PTPA: variants seen among roughly 807,000 people sequenced by gnomAD.
The protein encoded by PTPA is protein phosphatase 2 phosphatase activator.
A neutral mutation model predicts 43.6 loss-of-function variants in PTPA; 13 were observed. That is an observed-to-expected ratio of 0.30 (90% confidence interval 0.19 to 0.47). PTPA has a LOEUF of 0.47. Among genes scored for constraint, PTPA ranks in the 20% least tolerant of loss-of-function variants. PTPA has a pLI of 0.99. For synonymous variants in PTPA, 172 were observed against 158.2 expected (o/e 1.09, Z -0.66); for missense variants, 329 against 411.9 (o/e 0.80, Z 1.74).
At chr9:129,123,210 A>G (rs1849371590) in intron 3 of PTPA, 72 bp downstream of exon 3, 7 of 1,337,186 alleles carry the variant, frequency 5.2e-6, no homozygotes, top group Non-Finnish European at 7.4e-6. Flanking sequence ...GCGGTGGCTC[A>G]CCTCTGTAAT....
intron 3 of PTPA, chr9:129,128,115 C>CA: frequency 8.1e-7 from 1 of 1,227,418 alleles, no homozygotes. Context: ...CTGAGAGGCT[C>CA]AGAGTTAGTC....
At chr9:129,134,762 C>A in intron 5 of PTPA, 33 bp from the exon 6 acceptor site, 1 of 1,537,648 alleles carries the variant, frequency 6.5e-7, no homozygotes, top group Non-Finnish European at 9.0e-7. Flanking sequence ...TTTACCTGGA[C>A]TACTGTCAAC....
upstream of PTPA, chr9:129,111,286 G>A (rs1848451602): frequency 8.4e-7 from 1 of 1,187,440 alleles, no homozygotes; most frequent in Non-Finnish European, 1.0e-6. Context: ...GCGGCCGTGA[G>A]CGGTCCTAGC....
intron 3 of PTPA, chr9:129,128,011 T>C (rs544992426): frequency 1.5e-6 from 2 of 1,347,252 alleles, no homozygotes; most frequent in African/African-American, 1.5e-5. Context: ...CAAAGCAGAG[T>C]GTGTCCTGCG....
chr9:129,144,736 CAAAAAAAAA>C, intron 9 of PTPA, among the ~76,000 whole-genome samples: 1 of 108,014 alleles, frequency 9.3e-6, no homozygotes, highest in South Asian at 3.2e-4. Context: ...GAGACTCTCT[CAAAAAAAAA>C]AAAAAAAAAA....
At chr9:129,116,009 C>T (rs1348857752) in intron 1 of PTPA, among the ~76,000 whole-genome samples, 6 of 151,960 alleles carry the variant, frequency 3.9e-5, no homozygotes, top group Non-Finnish European at 8.8e-5. Flanking sequence ...TACAGGTGTG[C>T]GCTACCATGC....
chr9:129,143,517 C>T (rs191086271), intron 9 of PTPA: 14 of 690,902 alleles, frequency 2.0e-5, no homozygotes, highest in Admixed American at 6.2e-5. Context: ...TCAGCAGAGG[C>T]GGGACAACGG....
In PTPA at chr9:129,128,857, G is replaced by C. The variant is rs1588506169; in HGVS notation, c.217-128G>C. The C allele has an allele frequency of 2.1e-5, 24 of 1,121,296 alleles. No individual in the cohort carries two copies. In the East Asian group the frequency reaches 6.0e-4, roughly 28 times the overall value. The allele number at this position is 1,121,296 out of a possible 1,614,324, so 69.5% of individuals were successfully genotyped here. A position where few individuals can be genotyped will look rare whatever the true frequency, so the allele number is the denominator to read the frequency against. On this transcript the variant is annotated intron_variant, in intron 3 of 9. Coordinates refer to ENST00000393370, the MANE Select transcript of PTPA (RefSeq NM_178000.3). ...TATTCAGAACAGTGGGGAAGAAAGA[G>C]GGATGGGGGAGAGTTCCCAGTAGGG...
intron 5 of PTPA, among the ~76,000 whole-genome samples, chr9:129,133,987 A>T (rs983466304): frequency 6.6e-6 from 1 of 152,200 alleles, no homozygotes; most frequent in Non-Finnish European, 1.5e-5. Context: ...TCCTTAGGGG[A>T]AACCTTGAAC....
intron 8 of PTPA, among the ~76,000 whole-genome samples, chr9:129,140,315 C>T (rs1347733493): frequency 6.6e-6 from 1 of 152,172 alleles, no homozygotes; most frequent in Non-Finnish European, 1.5e-5. Flanking sequence ...CTTTTTCTCC[C>T]ACTCGTCTGT....
chr9:129,125,742 G>A (rs928253798), intron 3 of PTPA, among the ~76,000 whole-genome samples: 2 of 152,170 alleles, frequency 1.3e-5, no homozygotes, highest in Admixed American at 6.5e-5. Flanking sequence ...ACGAGTAGTG[G>A]TTGTCTTTTG....
intron 9 of PTPA, among the ~76,000 whole-genome samples, chr9:129,144,986 T>A (rs1851199708): frequency 6.6e-6 from 1 of 151,920 alleles, no homozygotes; most frequent in Non-Finnish European, 1.5e-5. Context: ...TGAATTGAGA[T>A]CACACCACTG....
Position 129,120,583 on chromosome 9 carries a change from A to T in PTPA, c.102A>T (p.Pro34=). 1 of 1,613,698 alleles carries T rather than the reference A, an allele frequency of 6.2e-7. No individual in the cohort carries two copies. The highest frequency in any genetic ancestry group is 8.5e-7 in the Non-Finnish European group (1 of 1,179,652). The stretch of plus-strand genomic sequence containing the variant: ...CAAAAAAGGAGATCCACACAGTTCC[A>T]GACATGGGCAAATGGAAGCGTTCTC... ...IIPKKEIHTV[P]DMGKWKRSQA... is the part of the protein sequence containing the mutation. Residue 34 remains proline (P), a synonymous_variant, in exon 2 of 10, where the codon CCA becomes CCT. Coordinates refer to ENST00000393370, the MANE Select transcript of PTPA (RefSeq NM_178000.3).
chr9:129,117,705 TC>T, intron 1 of PTPA, among the ~76,000 whole-genome samples: 1 of 90,526 alleles, frequency 1.1e-5, no homozygotes, highest in Non-Finnish European at 2.9e-5. Flanking sequence ...ACACCCAGCC[TC>T]TTTTTTTTTT....
intron 1 of PTPA, among the ~76,000 whole-genome samples, chr9:129,117,908 G>T (rs1296659416): frequency 6.6e-6 from 1 of 151,264 alleles, no homozygotes; most frequent in Non-Finnish European, 1.5e-5. Context: ...ATGTTTCCCA[G>T]GCCTGGTCTG....
rs890793329 is a variant in PTPA at position 129,147,685 on chromosome 9, C to G, written c.*221C>G. The G allele has an allele frequency of 1.8e-6, 1 of 547,534 alleles. No individual in the cohort carries two copies. The highest frequency in any genetic ancestry group is 3.3e-6 in the Non-Finnish European group (1 of 303,498). 33.9% of individuals were successfully genotyped at this position (547,534 alleles called of 1,614,324 possible). A position where few individuals can be genotyped will look rare whatever the true frequency, so the allele number is the denominator to read the frequency against. Reference sequence around the variant, plus strand: ...AAGTGTAGCCAGTTTTCTGAGTTCCCGTGTGCTAGACTGGCCAGAAGAGAG... The same window carrying G: ...AAGTGTAGCCAGTTTTCTGAGTTCCGGTGTGCTAGACTGGCCAGAAGAGAG... On this transcript the variant is annotated 3_prime_UTR_variant, in exon 10 of 10. Transcript: ENST00000393370.
At chr9:129,142,991 C>T in intron 9 of PTPA, 1 of 1,286,654 alleles carries the variant, frequency 7.8e-7, no homozygotes, top group Non-Finnish European at 1.0e-6. Context: ...TGTATGATCA[C>T]TGAGTGGTGG....
chr9:129,138,071 G>A (rs955997442), intron 8 of PTPA: 1 of 300,798 alleles, frequency 3.3e-6, no homozygotes. Context: ...ACCATGTGCT[G>A]TGGATGTGTA....
At chr9:129,126,554 G>A (rs547048951) in intron 3 of PTPA, among the ~76,000 whole-genome samples, 8 of 152,258 alleles carry the variant, frequency 5.3e-5, no homozygotes, top group African/African-American at 1.9e-4. Context: ...CAAAATAAAT[G>A]TGATAAGAGA....
Sources: gnomAD v4.1 joint callset for allele counts (sites outside exome capture counted in the v4.1 genomes callset) on GRCh38, gnomAD v4.1.1 for gene constraint, MANE v1.5 for transcripts, NCBI Gene and HGNC (gene_info 2026-07-23, HGNC 2026-07-21) for gene names.